The following GNAO1 variants were observed in gnomAD, a reference collection of about 807,000 sequenced individuals.
GNAO1 encodes the protein G protein subunit alpha o1.
For missense variants in GNAO1, 166 were observed against 478.7 expected (o/e 0.35, Z 6.10); for synonymous variants, 164 against 180.7 (o/e 0.91, Z 0.74).
intron 4 of GNAO1, among the ~76,000 whole-genome samples, chr16:56,331,390 T>G (rs1184489332): frequency 1.3e-5 from 2 of 152,164 alleles, no homozygotes; most frequent in African/African-American, 4.8e-5. Flanking sequence ...GAGTTGTCCA[T>G]GCTGGCGTCC....
chr16:56,323,452 A>C (rs769264952), intron 3 of GNAO1, among the ~76,000 whole-genome samples: 1 of 152,162 alleles, frequency 6.6e-6, no homozygotes, highest in Non-Finnish European at 1.5e-5. Flanking sequence ...CTATTCCACT[A>C]TCCCTAGGGT....
intron 2 of GNAO1, chr16:56,193,988 G>A (rs1364197543): frequency 5.2e-6 from 2 of 386,912 alleles, no homozygotes; most frequent in Admixed American, 6.2e-5. Flanking sequence ...CCCTTTCGTG[G>A]GAAGGTGGGA....
Position 56,207,436 on chromosome 16 carries a change from T to C in GNAO1, c.161+14820T>C, listed in dbSNP as rs1355074061. On this transcript the variant is annotated intron_variant, in intron 2 of 8. Coordinates refer to ENST00000262493, the MANE Select transcript of GNAO1 (RefSeq NM_020988.3). ...ATCATTTTTGCTATCAGAGAAAACA[T>C]GATTTATTTAAGGTGATGTGGCCAG... Among the ~76,000 whole-genome samples the C allele has an allele frequency of 2.0e-5, 3 of 152,236 alleles. No individual in the cohort carries two copies. In the East Asian group the frequency reaches 5.8e-4, roughly 29 times the overall value.
At chr16:56,353,754 T>C (rs1408702153) in intron 7 of GNAO1, among the ~76,000 whole-genome samples, 1 of 152,212 alleles carries the variant, frequency 6.6e-6, no homozygotes, top group Non-Finnish European at 1.5e-5. Flanking sequence ...ACAGCTGTGC[T>C]GTGGGCTTGG....
chr16:56,336,689 C>A, intron 5 of GNAO1, 42 bp from the exon 6 acceptor site: 1 of 1,565,562 alleles, frequency 6.4e-7, no homozygotes, highest in Non-Finnish European at 8.7e-7. Flanking sequence ...GCAGCCCTCA[C>A]CTGCCTGGAC....
At chr16:56,295,837 G>A (rs1310571463) in intron 3 of GNAO1, among the ~76,000 whole-genome samples, 2 of 152,240 alleles carry the variant, frequency 1.3e-5, no homozygotes, top group South Asian at 4.1e-4. Flanking sequence ...TCAGAAACCT[G>A]GGGCTCCTGG....
chr16:56,288,692 G>T (rs1345643473), intron 3 of GNAO1, among the ~76,000 whole-genome samples: 1 of 152,170 alleles, frequency 6.6e-6, no homozygotes, highest in Non-Finnish European at 1.5e-5. Context: ...TGGAGAGTCA[G>T]GAGCTCAGGT....
chr16:56,223,340 A>G (rs1410110815), intron 2 of GNAO1, among the ~76,000 whole-genome samples: 1 of 152,214 alleles, frequency 6.6e-6, no homozygotes, highest in African/African-American at 2.4e-5. Flanking sequence ...CTTAAAAGCC[A>G]GCAGTGGCAA....
chr16:56,322,497 C>A (rs1385342094), intron 3 of GNAO1, among the ~76,000 whole-genome samples: 1 of 152,224 alleles, frequency 6.6e-6, no homozygotes. Context: ...TCTCCCCTGG[C>A]TCTAGTAATT....
intron 4 of GNAO1, 72 bp from the exon 5 acceptor site, chr16:56,334,657 T>C (rs1056767963): frequency 1.3e-6 from 2 of 1,524,644 alleles, no homozygotes; most frequent in Admixed American, 1.8e-5. Context: ...ACTCTGAAGA[T>C]GGGTGGCCTG....
intron 5 of GNAO1, among the ~76,000 whole-genome samples, chr16:56,335,164 AG>A (rs2037728593): frequency 1.3e-5 from 2 of 152,166 alleles, no homozygotes; most frequent in Non-Finnish European, 2.9e-5. Flanking sequence ...GTGGGCTACC[AG>A]GGGGCCCTTC....
At chr16:56,324,358 C>T (rs2037608731) in intron 3 of GNAO1, among the ~76,000 whole-genome samples, 1 of 152,222 alleles carries the variant, frequency 6.6e-6, no homozygotes, top group Non-Finnish European at 1.5e-5. Context: ...GTCCCCAACC[C>T]TGCTCTCAGG....
chr16:56,213,513 C>G (rs1215140824), intron 2 of GNAO1: 1 of 393,412 alleles, frequency 2.5e-6, no homozygotes, highest in Admixed American at 4.4e-5. Flanking sequence ...GGGTGTTTTT[C>G]TGAGATGGGA....
intron 3 of GNAO1, among the ~76,000 whole-genome samples, chr16:56,294,971 T>C (rs1159460173): frequency 6.6e-6 from 1 of 152,240 alleles, no homozygotes; most frequent in Non-Finnish European, 1.5e-5. Context: ...TTTGTCTTCT[T>C]ATTAATGAGT....
At chr16:56,284,945 C>T (rs900850792) in intron 3 of GNAO1, among the ~76,000 whole-genome samples, 5 of 152,214 alleles carry the variant, frequency 3.3e-5, no homozygotes, top group East Asian at 1.9e-4. Flanking sequence ...GTTCCCACAG[C>T]GGTGGCTCAG....
Position 56,257,181 on chromosome 16 carries a change from G to T in GNAO1, c.162-18750G>T, listed in dbSNP as rs2045922. On this transcript the variant is annotated intron_variant, in intron 2 of 8. Coordinates refer to ENST00000262493, the MANE Select transcript of GNAO1 (RefSeq NM_020988.3). ...GCTGAAAGGGGACTGGGTTTGGGGG[G>T]GGGAAATTAGAAGTTCAGTTAGGAG... Among the ~76,000 whole-genome samples the T allele has an allele frequency of 1.3e-3, 192 of 152,188 alleles. No homozygotes were observed. The East Asian group carries it at 0.023, about 18-fold the overall frequency.
chr16:56,236,708 C>T (rs1294710149), intron 2 of GNAO1, among the ~76,000 whole-genome samples: 8 of 152,306 alleles, frequency 5.3e-5, no homozygotes, highest in Middle Eastern at 3.4e-3. Flanking sequence ...GTTACACCAG[C>T]GCTTTGTTTC....
At chr16:56,344,379 T>C in intron 6 of GNAO1, 1 of 1,021,020 alleles carries the variant, frequency 9.8e-7, no homozygotes, top group Non-Finnish European at 1.2e-6. Context: ...GGAGCCATCC[T>C]TCAGCTTTGC....
intron 4 of GNAO1, among the ~76,000 whole-genome samples, chr16:56,331,842 C>T (rs2037691687): frequency 6.6e-6 from 1 of 152,196 alleles, no homozygotes; most frequent in Admixed American, 6.5e-5. Context: ...CCTGTTTGGA[C>T]ATCAAATGAG....
Sources: allele counts gnomAD v4.1 joint callset (sites outside exome capture counted in the v4.1 genomes callset), GRCh38; gene constraint gnomAD v4.1.1; transcripts MANE v1.5; gene names NCBI Gene and HGNC (gene_info 2026-07-23, HGNC 2026-07-21).